Variants in NRXN3 observed in about 807,000 individuals in gnomAD.
The protein encoded by NRXN3 is neurexin III.
A neutral mutation model predicts 137.6 loss-of-function variants in NRXN3; 32 were observed. That is an observed-to-expected ratio of 0.23 (90% CI 0.18 to 0.31). The LOEUF (loss-of-function observed/expected upper bound fraction) is 0.31, where lower values mean the gene tolerates loss of function less well. Ranked by LOEUF, NRXN3 falls within the 10% of genes least tolerant of loss-of-function variation. The probability of loss-of-function intolerance (pLI) is 1.00; values close to 1 mark genes in which losing one functional copy is unlikely to be tolerated. For missense variants in NRXN3, 1,574 were observed against 2,062.5 expected, an observed-to-expected ratio of 0.76 and a Z score of 4.59; for synonymous variants, 798 against 784.5, an observed-to-expected ratio of 1.02 and a Z score of -0.29.
At chr14:79,155,058 T>C (rs1438637790) in intron 15 of NRXN3, among the ~76,000 whole-genome samples, 1 of 151,944 alleles carries the variant, frequency 6.6e-6, no homozygotes, top group Non-Finnish European at 1.5e-5. Context: ...TCCTATTCAT[T>C]GTCAACTACT....
At position 79,293,485 on chromosome 14, in the gene NRXN3, T is replaced by C. The variant is rs528812903; in HGVS notation, c.3263-173736T>C. On this transcript the variant is annotated intron_variant, in intron 15 of 20. Transcript: ENST00000335750. ...GTTTTCCCAAATCACACTTTTCAAA[T>C]TAGAGGCAAGGCGAGGGCAACGTGC... is the stretch of plus-strand genomic sequence containing the variant. 4.7e-4 allele frequency among the ~76,000 whole-genome samples: 71 copies of C among 152,366 alleles called. 1 individual carries two copies. In the South Asian group the frequency reaches 0.014, roughly 30 times the overall value.
chr14:79,597,328 G>A (rs10147831), intron 16 of NRXN3, among the ~76,000 whole-genome samples: 3,221 of 152,198 alleles, frequency 0.021, 125 homozygotes, highest in African/African-American at 0.073. Context: ...TTTGTTTTGT[G>A]CTTTGGAAAT....
intron 4 of NRXN3, among the ~76,000 whole-genome samples, chr14:78,463,277 T>C (rs2094981473): frequency 6.6e-6 from 1 of 152,170 alleles, no homozygotes; most frequent in Admixed American, 6.5e-5. Context: ...CAAATTTTCC[T>C]GATCCAGTCA....
intron 15 of NRXN3, among the ~76,000 whole-genome samples, chr14:79,274,585 T>A (rs2079969361): frequency 1.3e-5 from 2 of 150,684 alleles, no homozygotes; most frequent in South Asian, 4.2e-4. Context: ...AATCTCTCTA[T>A]GAGAAACTAA....
intron 8 of NRXN3, among the ~76,000 whole-genome samples, chr14:78,717,383 A>G (rs2098438879): frequency 6.6e-6 from 1 of 152,166 alleles, no homozygotes; most frequent in African/African-American, 2.4e-5. Flanking sequence ...AGTGCAGCCA[A>G]GAGTCATCCA....
intron 16 of NRXN3, among the ~76,000 whole-genome samples, chr14:79,650,980 C>T (rs917150911): frequency 6.6e-6 from 1 of 152,142 alleles, no homozygotes; most frequent in Non-Finnish European, 1.5e-5. Context: ...GAAGGCAAGA[C>T]AATGAAACTG....
chr14:78,613,954 A>T (rs2097324120), intron 4 of NRXN3, among the ~76,000 whole-genome samples: 1 of 152,208 alleles, frequency 6.6e-6, no homozygotes, highest in Non-Finnish European at 1.5e-5. Flanking sequence ...GCTCTATTAT[A>T]GCACCAGTGA....
intron 15 of NRXN3, among the ~76,000 whole-genome samples, chr14:79,028,522 G>T (rs566194361): frequency 6.6e-6 from 1 of 152,280 alleles, no homozygotes; most frequent in Non-Finnish European, 1.5e-5. Context: ...TTTTTAGGCA[G>T]TTCCTCTGTT....
chr14:79,016,686 G>A (rs1054966816), intron 15 of NRXN3, among the ~76,000 whole-genome samples: 1 of 152,130 alleles, frequency 6.6e-6, no homozygotes, highest in African/African-American at 2.4e-5. Context: ...TAGGGGATTT[G>A]GGGAGTTTTC....
At chr14:79,040,518 A>G (rs143101550) in intron 15 of NRXN3, among the ~76,000 whole-genome samples, 11 of 152,300 alleles carry the variant, frequency 7.2e-5, no homozygotes, top group East Asian at 5.8e-4. Context: ...AATTTCATAT[A>G]TAAAGATAGT....
chr14:79,556,627 C>A (rs1282746404), intron 16 of NRXN3, among the ~76,000 whole-genome samples: 1 of 152,140 alleles, frequency 6.6e-6, no homozygotes, highest in African/African-American at 2.4e-5. Context: ...GCAATCACAA[C>A]CCACTGCAGC....
chr14:78,172,254 C>G (rs2058793418), intron 1 of NRXN3, among the ~76,000 whole-genome samples: 1 of 152,126 alleles, frequency 6.6e-6, no homozygotes, highest in Non-Finnish European at 1.5e-5. Context: ...GATAGTCTAT[C>G]TGGGGGCACC....
intron 15 of NRXN3, among the ~76,000 whole-genome samples, chr14:79,043,792 A>G (rs554525598): frequency 6.6e-6 from 1 of 152,280 alleles, no homozygotes; most frequent in Non-Finnish European, 1.5e-5. Context: ...ATTGCATAAC[A>G]GGGTATGTTT....
intron 15 of NRXN3, among the ~76,000 whole-genome samples, chr14:79,082,058 T>C (rs989096212): frequency 3.5e-5 from 5 of 141,868 alleles, no homozygotes; most frequent in South Asian, 2.2e-4. Context: ...TACATATATA[T>C]GTTTCATACA....
intron 8 of NRXN3, among the ~76,000 whole-genome samples, chr14:78,731,384 T>C (rs551169803): frequency 2.0e-5 from 3 of 152,132 alleles, no homozygotes; most frequent in African/African-American, 2.4e-5. Context: ...AATTAATATA[T>C]ATTTACTGTA....
intron 10 of NRXN3, among the ~76,000 whole-genome samples, chr14:78,842,143 C>T (rs2099014268): frequency 6.6e-6 from 1 of 151,996 alleles, no homozygotes; most frequent in Non-Finnish European, 1.5e-5. Context: ...AGAGTTCATC[C>T]CGAGGAGATT....
chr14:78,762,378 C>T (rs955567882), intron 8 of NRXN3, among the ~76,000 whole-genome samples: 3 of 152,168 alleles, frequency 2.0e-5, no homozygotes, highest in Admixed American at 1.3e-4. Context: ...AGGGAACGGA[C>T]GAGCGTAGAC....
intron 4 of NRXN3, among the ~76,000 whole-genome samples, chr14:78,381,471 G>A (rs1464902275): frequency 6.6e-6 from 1 of 152,160 alleles, no homozygotes; most frequent in African/African-American, 2.4e-5. Flanking sequence ...CTCATAGATT[G>A]CTGGTGATAT....
chr14:79,363,727 T>A (rs1206078449), intron 15 of NRXN3, among the ~76,000 whole-genome samples: 1 of 152,214 alleles, frequency 6.6e-6, no homozygotes, highest in African/African-American at 2.4e-5. Flanking sequence ...ATTGGAAGAA[T>A]GATATTTTCA....
Sources: gnomAD v4.1 joint callset for allele counts (sites outside exome capture counted in the v4.1 genomes callset) on GRCh38, gnomAD v4.1.1 for gene constraint, MANE v1.5 for transcripts, NCBI Gene and HGNC (gene_info 2026-07-23, HGNC 2026-07-21) for gene names.